RTL4: variants seen among roughly 807,000 people sequenced by gnomAD.
RTL4 encodes retrotransposon Gag-like protein 4.
A neutral mutation model predicts 5.3 loss-of-function variants in RTL4; 4 were observed. The ratio of observed to expected loss-of-function variants is 0.75; its 90% confidence interval spans 0.37 to 1.72. RTL4 has a LOEUF of 1.72. RTL4 is among the 40% of genes most tolerant of loss of function. RTL4 has a pLI of 0.04. For missense variants in RTL4, 260 were observed against 227.1 expected, an observed-to-expected ratio of 1.14 and a Z score of -0.93; for synonymous variants, 98 against 87.3, an observed-to-expected ratio of 1.12 and a Z score of -0.68.
the RTL4 span, among the ~76,000 whole-genome samples, chrX:112,315,562 C>T: frequency 3.6e-5 from 4 of 112,036 alleles, no homozygotes; most frequent in South Asian, 1.5e-3. Context: ...AGCCTCCACT[C>T]CCTTTCCCAT....
chrX:112,164,301 T>C, the RTL4 span, among the ~76,000 whole-genome samples: 1 of 112,135 alleles, frequency 8.9e-6, no homozygotes, highest in African/African-American at 3.2e-5. Flanking sequence ...GTGTGTCATC[T>C]ACTGAGAGTG....
At chrX:112,163,378 A>G in the RTL4 span, among the ~76,000 whole-genome samples, 2 of 111,527 alleles carry the variant, frequency 1.8e-5, no homozygotes, top group South Asian at 3.8e-4. Context: ...CTTGGCCTAG[A>G]GTTCTGCAAA....
the RTL4 span, among the ~76,000 whole-genome samples, chrX:112,266,137 A>T: frequency 1.8e-5 from 2 of 110,800 alleles, no homozygotes; most frequent in Non-Finnish European, 3.8e-5. Context: ...AAGATTGGGA[A>T]CATGAAAAAG....
chrX:112,452,089 C>CTTT (rs763942705), upstream of RTL4, among the ~76,000 whole-genome samples: 2 of 91,001 alleles, frequency 2.2e-5, no homozygotes, highest in South Asian at 5.1e-4. Flanking sequence ...TGGGAAAGAC[C>CTTT]TTTTTTTTTT....
At chrX:112,436,333 G>A in the RTL4 span, among the ~76,000 whole-genome samples, 2 of 111,312 alleles carry the variant, frequency 1.8e-5, no homozygotes, top group South Asian at 3.8e-4. Context: ...AAGTGGAGTT[G>A]AATGGGTAGG....
the RTL4 span, among the ~76,000 whole-genome samples, chrX:112,214,185 C>T: frequency 2.7e-5 from 3 of 111,608 alleles, no homozygotes; most frequent in Non-Finnish European, 5.6e-5. Context: ...CCCCCTCAGC[C>T]TCTAGAAACT....
At chrX:112,333,651 T>C in the RTL4 span, among the ~76,000 whole-genome samples, 1 of 111,544 alleles carries the variant, frequency 9.0e-6, no homozygotes, top group African/African-American at 3.3e-5. Context: ...TTTATTTATT[T>C]TGGTTTTGAA....
the RTL4 span, among the ~76,000 whole-genome samples, chrX:112,352,157 G>T: frequency 3.7e-5 from 4 of 107,640 alleles, no homozygotes; most frequent in Non-Finnish European, 5.8e-5. Context: ...GAAATTCTGG[G>T]TTGAAAATTC....
At chrX:112,299,695 G>A in the RTL4 span, among the ~76,000 whole-genome samples, 66 of 111,701 alleles carry the variant, frequency 5.9e-4, no homozygotes, top group African/African-American at 2.1e-3. Flanking sequence ...ACTCTGTAAC[G>A]GGGCAGAGGT....
At chrX:112,326,568 G>C in the RTL4 span, among the ~76,000 whole-genome samples, 1 of 111,140 alleles carries the variant, frequency 9.0e-6, no homozygotes, top group African/African-American at 3.3e-5. Flanking sequence ...AGGTGGCAGC[G>C]AGGCTGGGGG....
At chrX:112,320,967 A>G in the RTL4 span, among the ~76,000 whole-genome samples, 1 of 111,569 alleles carries the variant, frequency 9.0e-6, no homozygotes, top group Non-Finnish European at 1.9e-5. Flanking sequence ...AATGGTTATT[A>G]TAGACTCATT....
chrX:112,271,394 C>T, the RTL4 span, among the ~76,000 whole-genome samples: 9,135 of 113,136 alleles, frequency 0.081, 838 homozygotes, highest in African/African-American at 0.28. Context: ...TTGCCAAAAG[C>T]GAACTGCATG....
At chrX:112,221,329 C>T in the RTL4 span, among the ~76,000 whole-genome samples, 1 of 111,731 alleles carries the variant, frequency 9.0e-6, no homozygotes, top group Non-Finnish European at 1.9e-5. Context: ...TCCCTCAACA[C>T]CTGGGGATTA....
At chrX:112,167,525 C>T in the RTL4 span, among the ~76,000 whole-genome samples, 1 of 111,388 alleles carries the variant, frequency 9.0e-6, no homozygotes, top group Non-Finnish European at 1.9e-5. Context: ...TCACTGAAAC[C>T]CCTTTCAGAA....
chrX:112,400,588 T>C, the RTL4 span, among the ~76,000 whole-genome samples: 1 of 111,784 alleles, frequency 8.9e-6, no homozygotes, highest in South Asian at 3.7e-4. Flanking sequence ...TGCCTAGTAA[T>C]TTTTGTTTGG....
the RTL4 span, among the ~76,000 whole-genome samples, chrX:112,092,505 A>C: frequency 3.6e-5 from 4 of 111,562 alleles, no homozygotes; most frequent in Non-Finnish European, 7.5e-5. Context: ...TATTCACTTA[A>C]ATGTTAAACC....
chrX:112,203,680 T>G, the RTL4 span, among the ~76,000 whole-genome samples: 1 of 111,697 alleles, frequency 9.0e-6, no homozygotes, highest in Non-Finnish European at 1.9e-5. Flanking sequence ...AGCCTTCATA[T>G]CAGGTAGAGT....
upstream of RTL4, among the ~76,000 whole-genome samples, chrX:112,452,859 G>A (rs1034858749): frequency 1.4e-4 from 16 of 110,359 alleles, no homozygotes; most frequent in East Asian, 2.9e-4. Flanking sequence ...TGGTGAAACT[G>A]TGTCTCTACT....
At chrX:112,340,632 G>A in the RTL4 span, among the ~76,000 whole-genome samples, 83 of 106,376 alleles carry the variant, frequency 7.8e-4, no homozygotes, top group Admixed American at 2.1e-3. Flanking sequence ...TTTTTAGGCC[G>A]TTAGGACAAA....
Sources: allele counts gnomAD v4.1 joint callset (sites outside exome capture counted in the v4.1 genomes callset), GRCh38; gene constraint gnomAD v4.1.1; transcripts MANE v1.5; gene names NCBI Gene and HGNC (gene_info 2026-07-23, HGNC 2026-07-21).